The following BBC3 variants were observed in gnomAD, a reference collection of about 807,000 sequenced individuals.
The protein encoded by BBC3 is bcl-2-binding component 3.
In BBC3, 5 loss-of-function variants were observed where a neutral mutation model predicts 18.2. That is an observed-to-expected ratio of 0.27 (90% confidence interval 0.14 to 0.58). The LOEUF is 0.58. Ranked by LOEUF, BBC3 falls within the 20% of genes least tolerant of loss-of-function variation. BBC3 has a pLI of 0.91. For missense variants in BBC3, 224 were observed against 268.9 expected (o/e 0.83, Z 1.17); for synonymous variants, 119 against 128.0 (o/e 0.93, Z 0.47).
At chr19:47,226,308 C>A (rs1043015746) in intron 3 of BBC3, among the ~76,000 whole-genome samples, 1 of 151,772 alleles carries the variant, frequency 6.6e-6, no homozygotes, top group Non-Finnish European at 1.5e-5. Context: ...GCGCGCAGCT[C>A]CACTCCTCGG....
chr19:47,223,889 G>A (rs926883417), intron 3 of BBC3, among the ~76,000 whole-genome samples: 3 of 152,294 alleles, frequency 2.0e-5, no homozygotes, highest in African/African-American at 7.2e-5. Context: ...GCCACCTGGT[G>A]AGAAAGCTAG....
chr19:47,224,934 A>C (rs1432565607), intron 3 of BBC3, among the ~76,000 whole-genome samples: 1 of 148,232 alleles, frequency 6.7e-6, no homozygotes, highest in African/African-American at 2.5e-5. Flanking sequence ...TTTTTGAGAC[A>C]GATTTTCGCT....
In BBC3 at chr19:47,228,132, ACCC is replaced by A; in HGVS notation, c.274+23_274+25del. 8.4e-7 allele frequency: 1 copy of A among 1,191,378 alleles called. No individual in the cohort carries two copies. 73.8% of individuals were successfully genotyped at this position (1,191,378 alleles called of 1,614,324 possible). ...GCCCTCTCTCTTCCCGGCTCCTATC[ACCC>A]CGGGGGCGGGGCGGGCACTCACCGT... On this transcript the variant is annotated intron_variant, in intron 2 of 3. Transcript: ENST00000439096. This position sits in a 1 kb window ranked among gnomAD's most constrained non-coding sequence, Gnocchi z 5.5.
At chr19:47,231,351 G>A (rs1432907725), upstream of BBC3, 1 of 330,804 alleles carries the variant, frequency 3.0e-6, no homozygotes, top group Non-Finnish European at 4.3e-6. This position sits in a 1 kb window ranked among gnomAD's most constrained non-coding sequence, Gnocchi z 4.0. Flanking sequence ...CGCGCGCCGC[G>A]CCCCCCCCTA....
At chr19:47,226,947 G>A in intron 2 of BBC3, 193 bp from the exon 3 acceptor site, 1 of 489,422 alleles carries the variant, frequency 2.0e-6, no homozygotes, top group Non-Finnish European at 3.5e-6. Context: ...CCGCTCTGGG[G>A]TCACCTGTCT....
chr19:47,228,136 CG>C lies in BBC3; in HGVS notation c.274+21del. 1 of 1,208,054 alleles carries C rather than the reference CG, an allele frequency of 8.3e-7. No homozygotes were observed. Among genetic ancestry groups the C allele is most frequent in the African/African-American group, 1.6e-5 (1 of 63,574 alleles). 74.8% of individuals were successfully genotyped at this position (1,208,054 alleles called of 1,614,324 possible). On this transcript the variant is annotated intron_variant, in intron 2 of 3. Transcript: ENST00000439096. This position sits in a 1 kb window ranked among gnomAD's most constrained non-coding sequence, Gnocchi z 5.5. The stretch of plus-strand genomic sequence containing the variant: ...TCTCTCTTCCCGGCTCCTATCACCC[CG>C]GGGGCGGGGCGGGCACTCACCGTCC...
upstream of BBC3, chr19:47,232,407 T>C: frequency 1.1e-6 from 1 of 870,892 alleles, no homozygotes; most frequent in East Asian, 2.9e-5. Flanking sequence ...AAATCAGACA[T>C]AGAAGAAACT....
At chr19:47,229,323 C>T (rs965883752) in intron 1 of BBC3, among the ~76,000 whole-genome samples, 4 of 151,810 alleles carry the variant, frequency 2.6e-5, no homozygotes, top group African/African-American at 9.7e-5. Flanking sequence ...CATACATCAA[C>T]ACCCCCAAAA....
chr19:47,232,731 C>T (rs945825743), upstream of BBC3: 19 of 801,094 alleles, frequency 2.4e-5, 1 homozygote, highest in Non-Finnish European at 3.5e-5. Context: ...CTACACTTTC[C>T]ATCCTTACTG....
At position 47,231,072 on chromosome 19, in the gene BBC3, T is replaced by TGCTGTG; in HGVS notation, c.-165_-160dup. 4 of 962,672 alleles carry TGCTGTG rather than the reference T, an allele frequency of 4.2e-6. No homozygotes were observed. Among genetic ancestry groups the TGCTGTG allele is most frequent in the Non-Finnish European group, 4.9e-6 (4 of 808,482 alleles). 59.6% of individuals were successfully genotyped at this position (962,672 alleles called of 1,614,324 possible). On this transcript the variant is annotated 5_prime_UTR_variant, in exon 1 of 4. Coordinates refer to ENST00000439096, the MANE Select transcript of BBC3 (RefSeq NM_014417.5). The surrounding 1 kb of genome is among the most constrained non-coding windows in gnomAD (Gnocchi z 4.0). ...CTGCCGCTCTAACTGCAGTGGCGGC[T>TGCTGTG]GCTGTGGCTGTGGCTGCTGCTGCTC... is the stretch of plus-strand genomic sequence containing the variant.
In BBC3 at chr19:47,230,087, C is replaced by T. The variant is rs1365353496; in HGVS notation, c.-16+842G>A. The stretch of plus-strand genomic sequence containing the variant: ...TCCACACCCCAGCACACGCAGGCAC[C>T]ACAGACCCCCAGTATCATCCCGGAA... On this transcript the variant is annotated intron_variant, in intron 1 of 3. Coordinates refer to ENST00000439096, the MANE Select transcript of BBC3 (RefSeq NM_014417.5). The surrounding 1 kb of genome is among the most constrained non-coding windows in gnomAD (Gnocchi z 6.7). Among the ~76,000 whole-genome samples, 1 of 151,878 alleles carries T rather than the reference C, an allele frequency of 6.6e-6. No individual in the cohort carries two copies. The highest frequency in any genetic ancestry group is 1.5e-5 in the Non-Finnish European group (1 of 67,974).
At chr19:47,232,798 T>G, upstream of BBC3, 1 of 462,868 alleles carries the variant, frequency 2.2e-6, no homozygotes, top group East Asian at 3.5e-5. Flanking sequence ...GTGCCTAGTG[T>G]GGGGCTGGCT....
Position 47,228,059 on chromosome 19 carries a change from C to G in BBC3, c.274+99G>C. ...CCTCCCAGTGGCCCGGCTGGGCCCG[C>G]CACCTCCCCCCGTCCTCTCCCACTT... is the stretch of plus-strand genomic sequence containing the variant. On this transcript the variant is annotated intron_variant, in intron 2 of 3. Transcript: ENST00000439096. The surrounding 1 kb of genome is among the most constrained non-coding windows in gnomAD (Gnocchi z 5.5). The G allele has an allele frequency of 9.8e-7, 1 of 1,021,298 alleles. No individual in the cohort carries two copies. The highest frequency in any genetic ancestry group is 1.2e-6 in the Non-Finnish European group (1 of 804,408). 63.3% of individuals were successfully genotyped at this position (1,021,298 alleles called of 1,614,324 possible). A position where few individuals can be genotyped will look rare whatever the true frequency, so the allele number is the denominator to read the frequency against.
Position 47,226,632 on chromosome 19 carries a change from A to C in BBC3, c.397T>G (p.Trp133Gly), listed in dbSNP as rs2123377619. 2 of 1,563,640 alleles carry C rather than the reference A, an allele frequency of 1.3e-6. No homozygotes were observed. Among genetic ancestry groups the C allele is most frequent in the Non-Finnish European group, 1.7e-6 (2 of 1,157,500 alleles). Residue 133 changes from tryptophan (W) to glycine (G), a missense_variant, in exon 3 of 4, where the codon TGG becomes GGG. Coordinates refer to ENST00000439096, the MANE Select transcript of BBC3 (RefSeq NM_014417.5). ...APGVRGEEEQWAREIGAQLRR... is the reference protein window; with the variant it reads ...APGVRGEEEQGAREIGAQLRR... ...AGCTGGGCCCCGATCTCCCGGGCCC[A>C]CTGTTCCTCCTCCCCGCGGACTCCC...
intron 1 of BBC3, among the ~76,000 whole-genome samples, chr19:47,229,183 A>C (rs2058879067): frequency 6.6e-6 from 1 of 152,002 alleles, no homozygotes; most frequent in South Asian, 2.1e-4. Context: ...ACACAAACAC[A>C]CACACACAAG....
intron 1 of BBC3, among the ~76,000 whole-genome samples, chr19:47,229,274 G>T (rs940446261): frequency 6.7e-6 from 1 of 150,340 alleles, no homozygotes; most frequent in Non-Finnish European, 1.5e-5. Flanking sequence ...CACACCTCTG[G>T]ACTCACATAT....
In BBC3 at chr19:47,231,094, G is replaced by C. The variant is rs919306682; in HGVS notation, c.-181C>G. The C allele has an allele frequency of 2.2e-5, 21 of 971,034 alleles. No homozygotes were observed. The highest frequency in any genetic ancestry group is 2.4e-5 in the Non-Finnish European group (20 of 816,352). 60.2% of individuals were successfully genotyped at this position (971,034 alleles called of 1,614,324 possible). A position where few individuals can be genotyped will look rare whatever the true frequency, so the allele number is the denominator to read the frequency against. On this transcript the variant is annotated 5_prime_UTR_variant, in exon 1 of 4. Coordinates refer to ENST00000439096, the MANE Select transcript of BBC3 (RefSeq NM_014417.5). This position sits in a 1 kb window ranked among gnomAD's most constrained non-coding sequence, Gnocchi z 4.0. ...GGCTGCTGTGGCTGTGGCTGCTGCT[G>C]CTCCCCGGGCCGCAGGCGCGTCCGC...
At chr19:47,232,539 T>A (rs151238388), upstream of BBC3, 467 of 1,548,856 alleles carry the variant, frequency 3.0e-4, 3 homozygotes, top group African/African-American at 5.9e-3. Context: ...GGGACCCACG[T>A]CGTGGAAGCA....
chr19:47,228,750 A>C lies in BBC3; in HGVS notation c.-15-304T>G, dbSNP rs1490574901. ...GAGGGGTCTAGCAGGTGTGTGTATG[A>C]GGGCTGTGACAGTCCCACAACACAA... On this transcript the variant is annotated intron_variant, in intron 1 of 3. Transcript: ENST00000439096. The surrounding 1 kb of genome is among the most constrained non-coding windows in gnomAD (Gnocchi z 5.5). 6.6e-6 allele frequency among the ~76,000 whole-genome samples: 1 copy of C among 151,962 alleles called. No individual in the cohort carries two copies. The highest frequency in any genetic ancestry group is 1.9e-4 in the East Asian group (1 of 5,186).
Sources: gnomAD v4.1 joint callset for allele counts (sites outside exome capture counted in the v4.1 genomes callset) on GRCh38, gnomAD v4.1.1 for gene constraint, Gnocchi (gnomAD v3.1) non-coding constraint, MANE v1.5 for transcripts, NCBI Gene and HGNC (gene_info 2026-07-23, HGNC 2026-07-21) for gene names.